The following ZYG11B variants were observed in gnomAD, a reference collection of about 807,000 sequenced individuals.
The protein encoded by ZYG11B is protein zyg-11 homolog B.
A neutral mutation model predicts 82.4 loss-of-function variants in ZYG11B; 36 were observed. The ratio of observed to expected loss-of-function variants is 0.44; its 90% confidence interval spans 0.33 to 0.58. The LOEUF (loss-of-function observed/expected upper bound fraction) is 0.58. ZYG11B is among the 20% of genes least tolerant of loss of function. ZYG11B has a pLI of 0.02. For synonymous variants in ZYG11B, 303 were observed against 312.8 expected, an observed-to-expected ratio of 0.97 and a Z score of 0.33; for missense variants, 552 against 895.6, an observed-to-expected ratio of 0.62 and a Z score of 4.90.
rs1371830238 is a variant in ZYG11B, at chr1:52,784,915, G to A, written c.1131G>A (p.Leu377=). The A allele has an allele frequency of 1.2e-6, 2 of 1,613,570 alleles. No homozygotes were observed. Among genetic ancestry groups the A allele is most frequent in the Non-Finnish European group, 1.7e-6 (2 of 1,179,896 alleles). Residue 377 remains leucine (L), a synonymous_variant, in exon 5 of 14, where the codon TTG becomes TTA. Coordinates refer to ENST00000294353, the MANE Select transcript of ZYG11B (RefSeq NM_024646.3). ...GGATGAGAAACCACCCTATGAATTTGCCAGTGCAACTGGCTGCAAGCGCCT... is the reference window on the plus strand; with the variant it reads ...GGATGAGAAACCACCCTATGAATTTACCAGTGCAACTGGCTGCAAGCGCCT... The part of the protein sequence containing the change: ...VTGMRNHPMN[L]PVQLAASACV...
intron 2 of ZYG11B, among the ~76,000 whole-genome samples, chr1:52,762,986 G>GT (rs1644647402): frequency 7.2e-6 from 1 of 138,014 alleles, no homozygotes; most frequent in South Asian, 2.7e-4. Context: ...TGGGGGGGGG[G>GT]GGTCTAGTTT....
intron 13 of ZYG11B, among the ~76,000 whole-genome samples, chr1:52,820,105 G>C (rs932136954): frequency 6.6e-6 from 1 of 150,426 alleles, no homozygotes; most frequent in African/African-American, 2.4e-5. Flanking sequence ...TAGTAGAGAC[G>C]GGGTTTCACC....
rs1056750928 is a variant in ZYG11B at position 52,764,978 on chromosome 1, G to A, written c.197-6042G>A. Among the ~76,000 whole-genome samples the A allele has an allele frequency of 2.0e-5, 3 of 151,972 alleles. No homozygotes were observed. In the South Asian group the frequency reaches 6.2e-4, roughly 32 times the overall value. ...TCAGACTTTCTACCATTTATCTTAG[G>A]AAGAAAATTGAAGCCATCAGATAAA... On this transcript the variant is annotated intron_variant, in intron 2 of 13. Transcript: ENST00000294353.
At chr1:52,770,094 T>TATA (rs1558127605) in intron 2 of ZYG11B, among the ~76,000 whole-genome samples, 23 of 69,704 alleles carry the variant, frequency 3.3e-4, no homozygotes, top group Non-Finnish European at 4.2e-4. Flanking sequence ...ATATATATAT[T>TATA]TTTTTTTTTT....
intron 1 of ZYG11B, among the ~76,000 whole-genome samples, chr1:52,747,598 G>A (rs763155641): frequency 3.3e-5 from 5 of 151,076 alleles, no homozygotes; most frequent in Middle Eastern, 6.8e-3. Flanking sequence ...TCTCTCTCTC[G>A]TAACAGGTAA....
At chr1:52,793,868 T>TTTCTTTCTTTCCTTCCTTCCTTCCTTCC (rs1553261659) in intron 6 of ZYG11B, among the ~76,000 whole-genome samples, 1 of 95,436 alleles carries the variant, frequency 1.0e-5, no homozygotes, top group Admixed American at 1.1e-4. Context: ...CTTTTCTTTC[T>TTTCTTTCTTTCCTTCCTTCCTTCCTTCC]TTCCTTCCTT....
At position 52,767,781 on chromosome 1, in the gene ZYG11B, T is replaced by C. The variant is rs1644710940; in HGVS notation, c.197-3239T>C. 2.6e-5 allele frequency among the ~76,000 whole-genome samples: 4 copies of C among 152,292 alleles called. No homozygotes were observed. In the South Asian group the frequency reaches 8.3e-4, roughly 32 times the overall value. ...CAGTTGGCTTCTACTGACACCATGT[T>C]GGGAGGAGGTGGCCTCATTACTGTT... is the stretch of plus-strand genomic sequence containing the variant. On this transcript the variant is annotated intron_variant, in intron 2 of 13. Coordinates refer to ENST00000294353, the MANE Select transcript of ZYG11B (RefSeq NM_024646.3).
chr1:52,773,575 C>T (rs1440009327), intron 3 of ZYG11B, among the ~76,000 whole-genome samples: 2 of 99,760 alleles, frequency 2.0e-5, no homozygotes, highest in African/African-American at 7.8e-5. Context: ...TATATTTATA[C>T]CTTTTATAGA....
intron 1 of ZYG11B, among the ~76,000 whole-genome samples, chr1:52,742,583 C>A (rs916756773): frequency 1.3e-5 from 2 of 152,158 alleles, no homozygotes; most frequent in African/African-American, 4.8e-5. Context: ...TGGCTCACGC[C>A]TGTAATCCCA....
intron 3 of ZYG11B, among the ~76,000 whole-genome samples, chr1:52,776,231 T>A (rs79584052): frequency 0.012 from 234 of 19,706 alleles, 21 homozygotes; most frequent in African/African-American, 0.02. Flanking sequence ...AAAAAAAAAA[T>A]ATATATATAT....
Position 52,822,936 on chromosome 1 carries a change from A to G in ZYG11B, c.*1307A>G, listed in dbSNP as rs1252265130. 6.6e-6 allele frequency: 1 copy of G among 152,218 alleles called. No individual in the cohort carries two copies. Among genetic ancestry groups the G allele is most frequent in the Non-Finnish European group, 1.5e-5 (1 of 68,046 alleles). 9.4% of individuals were successfully genotyped at this position (152,218 alleles called of 1,614,324 possible). The stretch of plus-strand genomic sequence containing the variant: ...GAATAAGGTCAATCTACAATCCCAG[A>G]TAACTACATTTTTTTTCATAGATGG... On this transcript the variant is annotated 3_prime_UTR_variant, in exon 14 of 14. Transcript: ENST00000294353.
intron 10 of ZYG11B, 124 bp from the exon 11 acceptor site, chr1:52,813,412 C>A: frequency 1.4e-6 from 1 of 728,700 alleles, no homozygotes; most frequent in Non-Finnish European, 2.2e-6. Context: ...TGAATACTTT[C>A]TCTCAGGGAA....
intron 1 of ZYG11B, among the ~76,000 whole-genome samples, chr1:52,729,540 TTGAA>T (rs1426213286): frequency 6.6e-6 from 1 of 152,180 alleles, no homozygotes; most frequent in Non-Finnish European, 1.5e-5. Flanking sequence ...ATAAATACAG[TTGAA>T]TGAATGATTA....
Position 52,726,617 on chromosome 1 carries a change from C to G in ZYG11B, c.-37C>G. ...GCCGGCTCAGCCTGGGGGCGGGCTC[C>G]GGTCCGGCCCGCCGCCGCACCCAGG... is the stretch of plus-strand genomic sequence containing the variant. On this transcript the variant is annotated 5_prime_UTR_variant, in exon 1 of 14. Transcript: ENST00000294353. 1 of 1,413,592 alleles carries G rather than the reference C, an allele frequency of 7.1e-7. No individual in the cohort carries two copies. The highest frequency in any genetic ancestry group is 9.2e-7 in the Non-Finnish European group (1 of 1,090,144). 87.6% of individuals were successfully genotyped at this position (1,413,592 alleles called of 1,614,324 possible).
At chr1:52,766,850 T>C (rs920451564) in intron 2 of ZYG11B, among the ~76,000 whole-genome samples, 2 of 151,954 alleles carry the variant, frequency 1.3e-5, no homozygotes, top group Non-Finnish European at 2.9e-5. Flanking sequence ...CTACTAAAAA[T>C]ACAAAAAATT....
intron 2 of ZYG11B, among the ~76,000 whole-genome samples, chr1:52,759,880 G>T (rs2149931850): frequency 6.6e-6 from 1 of 152,260 alleles, no homozygotes; most frequent in South Asian, 2.1e-4. Flanking sequence ...ACCCAGGCTG[G>T]AGTGCAGTGG....
chr1:52,763,907 G>A (rs1644658089), intron 2 of ZYG11B, among the ~76,000 whole-genome samples: 3 of 152,126 alleles, frequency 2.0e-5, no homozygotes, highest in Admixed American at 2.0e-4. Context: ...TCCTTGACTA[G>A]CCAAATAGAC....
Position 52,824,290 on chromosome 1 carries a change from A to G in ZYG11B, c.*2661A>G, listed in dbSNP as rs1229788128. On this transcript the variant is annotated 3_prime_UTR_variant, in exon 14 of 14. Coordinates refer to ENST00000294353, the MANE Select transcript of ZYG11B (RefSeq NM_024646.3). Reference sequence around the variant, plus strand: ...CTCAGCCTCTGGAGTAGCTGGAACTACAGGCTAAATTTCCTACTTTGTAAA... The same window carrying G: ...CTCAGCCTCTGGAGTAGCTGGAACTGCAGGCTAAATTTCCTACTTTGTAAA... The G allele has an allele frequency of 2.6e-5, 4 of 152,140 alleles. No individual in the cohort carries two copies. The highest frequency in any genetic ancestry group is 2.6e-4 in the Admixed American group (4 of 15,268). 9.4% of individuals were successfully genotyped at this position (152,140 alleles called of 1,614,324 possible). A position where few individuals can be genotyped will look rare whatever the true frequency, so the allele number is the denominator to read the frequency against.
rs537118207 is a variant in ZYG11B, at chr1:52,735,319, G to A, written c.30+8636G>A. On this transcript the variant is annotated intron_variant, in intron 1 of 13. Coordinates refer to ENST00000294353, the MANE Select transcript of ZYG11B (RefSeq NM_024646.3). ...GCTGGGATTACAGGCATGAGCCACC[G>A]TGCCCGGCCCAAATCACTTTTCTAA... 5.3e-5 allele frequency among the ~76,000 whole-genome samples: 8 copies of A among 152,240 alleles called. No homozygotes were observed. The South Asian group carries it at 8.3e-4, about 16-fold the overall frequency.
Sources: allele counts gnomAD v4.1 joint callset (sites outside exome capture counted in the v4.1 genomes callset), GRCh38; gene constraint gnomAD v4.1.1; transcripts MANE v1.5; gene names NCBI Gene and HGNC (gene_info 2026-07-23, HGNC 2026-07-21).